Variants in IMMP2L observed in about 807,000 individuals in gnomAD.
IMMP2L encodes the protein inner mitochondrial membrane peptidase subunit 2.
Under a neutral mutation model 19.3 loss-of-function variants are expected in IMMP2L, and 18 were observed. That is an observed-to-expected ratio of 0.93 (90% CI 0.64 to 1.38). The LOEUF (loss-of-function observed/expected upper bound fraction) is 1.38, where lower values mean the gene tolerates loss of function less well. IMMP2L is among the 40% of genes most tolerant of loss of function. The probability of loss-of-function intolerance (pLI) is 0.00; values close to 1 mark genes in which losing one functional copy is unlikely to be tolerated. For missense variants in IMMP2L, 233 were observed against 218.2 expected, an observed-to-expected ratio of 1.07 and a Z score of -0.43; for synonymous variants, 76 against 73.0, an observed-to-expected ratio of 1.04 and a Z score of -0.21.
intron 3 of IMMP2L, among the ~76,000 whole-genome samples, chr7:111,255,768 G>C (rs1018953182): frequency 6.6e-6 from 1 of 151,964 alleles, no homozygotes; most frequent in Non-Finnish European, 1.5e-5. Flanking sequence ...GTTAACACAA[G>C]CTTTCTTGGA....
chr7:111,525,397 C>T (rs750218175), intron 1 of IMMP2L, among the ~76,000 whole-genome samples: 18 of 151,854 alleles, frequency 1.2e-4, no homozygotes, highest in Non-Finnish European at 2.5e-4. Flanking sequence ...CCTCACAGGC[C>T]CCGTAAGGAT....
intron 3 of IMMP2L, among the ~76,000 whole-genome samples, chr7:111,013,419 GAAAC>G (rs777529700): frequency 2.1e-4 from 32 of 152,170 alleles, no homozygotes; most frequent in Admixed American, 8.5e-4. Context: ...AGGACAGAAA[GAAAC>G]AGGCTTACTT....
At position 111,213,646 on chromosome 7, in the gene IMMP2L, A is replaced by G. The variant is rs1016628698; in HGVS notation, c.240-250081T>C. Among the ~76,000 whole-genome samples the G allele has an allele frequency of 2.0e-5, 3 of 152,126 alleles. No individual in the cohort carries two copies. The highest frequency in any genetic ancestry group is 7.2e-5 in the African/African-American group (3 of 41,428). Reference sequence around the variant, plus strand: ...ACCCCAGACTCACCCAGACTCAAGAAATCGATGGAACCACTAGCTGTAGGG... The same window carrying G: ...ACCCCAGACTCACCCAGACTCAAGAGATCGATGGAACCACTAGCTGTAGGG... On this transcript the variant is annotated intron_variant, in intron 3 of 5. Transcript: ENST00000405709. This position sits in a 1 kb window ranked among gnomAD's most constrained non-coding sequence, Gnocchi z 4.8.
Position 110,751,094 on chromosome 7 carries a change from C to T in IMMP2L, c.409-87373G>A, listed in dbSNP as rs117773738. ...TTTAATACTTTCAGATTTTCCTTAA[C>T]GAATACTCTCTTGAGAACATAATGG... is the stretch of plus-strand genomic sequence containing the variant. On this transcript the variant is annotated intron_variant, in intron 5 of 5. Transcript: ENST00000405709. 1.8e-4 allele frequency among the ~76,000 whole-genome samples: 28 copies of T among 151,600 alleles called. No homozygotes were observed. In the East Asian group the frequency reaches 4.5e-3, roughly 24 times the overall value.
chr7:110,884,602 G>A (rs1444386924), intron 5 of IMMP2L, among the ~76,000 whole-genome samples: 1 of 151,868 alleles, frequency 6.6e-6, no homozygotes, highest in African/African-American at 2.4e-5. Context: ...GACATCACAC[G>A]CAATGGAAAC....
intron 3 of IMMP2L, among the ~76,000 whole-genome samples, chr7:111,324,839 GA>G (rs1407913782): frequency 6.6e-6 from 1 of 151,706 alleles, no homozygotes; most frequent in Non-Finnish European, 1.5e-5. Context: ...ACACACCAAA[GA>G]TTTTTTTTGA....
At chr7:111,542,197 C>A (rs1230474780) in intron 1 of IMMP2L, among the ~76,000 whole-genome samples, 67 of 152,014 alleles carry the variant, frequency 4.4e-4, no homozygotes, top group Non-Finnish European at 2.9e-5. Flanking sequence ...CAATATTACT[C>A]CTCCATAAAT....
At chr7:111,102,668 C>T (rs1798099701) in intron 3 of IMMP2L, among the ~76,000 whole-genome samples, 1 of 151,576 alleles carries the variant, frequency 6.6e-6, no homozygotes, top group East Asian at 1.9e-4. Flanking sequence ...ACAGAAATAG[C>T]AAGTTTGAAG....
At chr7:111,474,925 G>A (rs1363817214) in intron 3 of IMMP2L, among the ~76,000 whole-genome samples, 1 of 151,988 alleles carries the variant, frequency 6.6e-6, no homozygotes, top group African/African-American at 2.4e-5. Flanking sequence ...TCTTCACACT[G>A]AAATGTTTCC....
intron 5 of IMMP2L, among the ~76,000 whole-genome samples, chr7:110,744,866 G>A (rs147686218): frequency 5.7e-4 from 86 of 152,206 alleles, no homozygotes; most frequent in African/African-American, 1.8e-3. Context: ...ACAACTCCTC[G>A]CCAGCAAGGG....
intron 3 of IMMP2L, among the ~76,000 whole-genome samples, chr7:111,311,657 T>C (rs895887399): frequency 1.3e-5 from 2 of 152,128 alleles, no homozygotes; most frequent in African/African-American, 4.8e-5. Context: ...GGCTCCGGTC[T>C]AGAAACTGAG....
chr7:110,790,742 A>G (rs1175666422), intron 5 of IMMP2L, among the ~76,000 whole-genome samples: 2 of 151,698 alleles, frequency 1.3e-5, no homozygotes, highest in Non-Finnish European at 2.9e-5. Flanking sequence ...GCCGGCAAGC[A>G]AGTCCCAGAG....
chr7:111,475,247 A>G (rs1841617943), intron 3 of IMMP2L, among the ~76,000 whole-genome samples: 1 of 152,002 alleles, frequency 6.6e-6, no homozygotes, highest in African/African-American at 2.4e-5. Flanking sequence ...GAAATAAACA[A>G]TTTTTTTAAA....
intron 4 of IMMP2L, among the ~76,000 whole-genome samples, chr7:110,956,121 C>A (rs1232577767): frequency 6.6e-6 from 1 of 151,976 alleles, no homozygotes; most frequent in African/African-American, 2.4e-5. Flanking sequence ...TTGAAATGTT[C>A]AATTTCTAGT....
At chr7:111,330,900 T>C (rs1213409815) in intron 3 of IMMP2L, among the ~76,000 whole-genome samples, 2 of 151,896 alleles carry the variant, frequency 1.3e-5, no homozygotes, top group African/African-American at 2.4e-5. Context: ...CTTATCAGAA[T>C]GGCTATTATC....
At chr7:110,715,627 G>C (rs936228536) in intron 5 of IMMP2L, among the ~76,000 whole-genome samples, 3 of 152,142 alleles carry the variant, frequency 2.0e-5, no homozygotes, top group African/African-American at 7.2e-5. Flanking sequence ...TACGGTCTGA[G>C]AGTATGTTCA....
chr7:111,422,804 A>G (rs776278134), intron 3 of IMMP2L, among the ~76,000 whole-genome samples: 1 of 151,836 alleles, frequency 6.6e-6, no homozygotes, highest in Non-Finnish European at 1.5e-5. Context: ...TCGGTTTTCA[A>G]AGGGAATGCT....
intron 2 of IMMP2L, among the ~76,000 whole-genome samples, chr7:111,511,650 C>CA (rs1252976534): frequency 0.044 from 2,349 of 53,238 alleles, 56 homozygotes; most frequent in African/African-American, 0.12. Flanking sequence ...CTCTGTTGAA[C>CA]AAAAAAAAAA....
intron 3 of IMMP2L, among the ~76,000 whole-genome samples, chr7:110,999,506 A>G (rs1386991408): frequency 6.6e-6 from 1 of 151,180 alleles, no homozygotes; most frequent in Non-Finnish European, 1.5e-5. Context: ...ATTCTCTAGT[A>G]GTACTCTCTA....
Sources: gnomAD v4.1 joint callset for allele counts (sites outside exome capture counted in the v4.1 genomes callset) on GRCh38, gnomAD v4.1.1 for gene constraint, Gnocchi (gnomAD v3.1) non-coding constraint, MANE v1.5 for transcripts, NCBI Gene and HGNC (gene_info 2026-07-23, HGNC 2026-07-21) for gene names.